TMC6: variants seen among roughly 807,000 people sequenced by gnomAD.
TMC6 encodes the protein transmembrane channel like 6.
TMC6 carries 71 observed loss-of-function variants against 95.4 expected under a neutral mutation model. That is an observed-to-expected ratio of 0.74 (90% CI 0.61 to 0.91). The LOEUF is 0.91. Among genes scored for constraint, TMC6 ranks in the 40% least tolerant of loss-of-function variants. The pLI is 0.00. For missense variants in TMC6, 1,074 were observed against 1,079.1 expected, an observed-to-expected ratio of 1.00 and a Z score of 0.07; for synonymous variants, 514 against 483.1, an observed-to-expected ratio of 1.06 and a Z score of -0.84.
rs2073798621 is a variant in TMC6, at chr17:78,110,219, CCT to C, written c.*2927_*2928del. ...CATTGCCCGTGCTGGATTCAAAACA[CCT>C]GGGCTCGGCAGGTGTTGTGGTTCAT... is the stretch of plus-strand genomic sequence containing the variant. On this transcript the variant is annotated 3_prime_UTR_variant, in exon 20 of 20. Coordinates refer to ENST00000590602, the MANE Select transcript of TMC6 (RefSeq NM_001127198.5). The C allele has an allele frequency of 6.6e-6, 1 of 151,616 alleles. No homozygotes were observed. Among genetic ancestry groups the C allele is most frequent in the Non-Finnish European group, 1.5e-5 (1 of 68,000 alleles). The allele number at this position is 151,616 out of a possible 1,614,324, so 9.4% of individuals were successfully genotyped here.
chr17:78,113,293 G>A (rs569206848), intron 19 of TMC6, 82 bp from the exon 20 acceptor site: 48 of 1,467,900 alleles, frequency 3.3e-5, no homozygotes, highest in African/African-American at 2.2e-4. Context: ...AAGGCCCGGC[G>A]AGGGACAGGC....
chr17:78,118,851 C>A lies in TMC6; in HGVS notation c.1887+120G>T. ...GACAGGCCAGGGCAGCCCCGAGCCG[C>A]CAGCCCCACTCCACTCAGGTGGGGA... On this transcript the variant is annotated intron_variant, in intron 15 of 19. Transcript: ENST00000590602. The A allele has an allele frequency of 1.7e-6, 2 of 1,168,452 alleles. 1 individual carries two copies. Among genetic ancestry groups the A allele is most frequent in the South Asian group, 2.6e-5 (2 of 75,960 alleles). 72.4% of individuals were successfully genotyped at this position (1,168,452 alleles called of 1,614,324 possible).
chr17:78,123,231 C>G (rs1213454181), intron 9 of TMC6: 1 of 282,824 alleles, frequency 3.5e-6, no homozygotes, highest in Admixed American at 4.9e-5. Context: ...TTGTCCCAGC[C>G]CATTCAGTGG....
rs1473527545 is a variant in TMC6, at chr17:78,124,673, A to G, written c.742T>C (p.Tyr248His). The change falls in exon 8 of 20, where the codon TAC becomes CAC. Residue 248 changes from tyrosine to histidine, a missense_variant. Coordinates refer to ENST00000590602, the MANE Select transcript of TMC6 (RefSeq NM_001127198.5). ...AGCAGGGTCTTGAGAAAGAGGAAGT[A>G]GGAGAGCACGCTGGAGCCGAACTGG... Reference protein sequence around the residue: ...GGQFGSSVLSYFLFLKTLLAF... With the variant: ...GGQFGSSVLSHFLFLKTLLAF... 1 of 1,609,394 alleles carries G rather than the reference A, an allele frequency of 6.2e-7. No homozygotes were observed. The highest frequency in any genetic ancestry group is 8.5e-7 in the Non-Finnish European group (1 of 1,178,272).
Position 78,124,724 on chromosome 17 carries a change from G to T in TMC6, c.691C>A (p.Arg231Ser). The T allele has an allele frequency of 6.3e-7, 1 of 1,591,598 alleles. No individual in the cohort carries two copies. Among genetic ancestry groups the T allele is most frequent in the Non-Finnish European group, 8.5e-7 (1 of 1,169,656 alleles). The change falls in exon 8 of 20, where the codon CGC becomes AGC. Residue 231 changes from arginine to serine, a missense_variant. Physicochemically the swap from Arg to Ser is moderately radical, Grantham distance 110 (BLOSUM62 -1). Coordinates refer to ENST00000590602, the MANE Select transcript of TMC6 (RefSeq NM_001127198.5). ...CCCCCGATGCGCTTCAGGGCGTAGC[G>T]CCACGGCATCAGGGCCTGCAGGGCG... is the stretch of plus-strand genomic sequence containing the variant. The part of the protein sequence containing the change: ...LSALQALMPW[R>S]YALKRIGGQF...
chr17:78,119,807 A>ATTTATT (rs751493193), intron 13 of TMC6: 61 of 368,528 alleles, frequency 1.7e-4, no homozygotes, highest in South Asian at 1.2e-3. Flanking sequence ...GCTAATTTTT[A>ATTTATT]TTTATTTTTA....
chr17:78,115,635 C>A (rs951482998), intron 18 of TMC6, among the ~76,000 whole-genome samples: 2 of 145,174 alleles, frequency 1.4e-5, no homozygotes, highest in African/African-American at 5.3e-5. Context: ...GGAGTGGGCA[C>A]AGGGGCGAAG....
chr17:78,119,068 A>C, intron 14 of TMC6, 22 bp from the exon 15 acceptor site: 1 of 1,563,182 alleles, frequency 6.4e-7, no homozygotes, highest in Non-Finnish European at 8.7e-7. Context: ...GTGGCAGTTC[A>C]GGGGCTGCTC....
Position 78,122,962 on chromosome 17 carries a change from G to A in TMC6, c.1083-213C>T. On this transcript the variant is annotated intron_variant, in intron 9 of 19. Coordinates refer to ENST00000590602, the MANE Select transcript of TMC6 (RefSeq NM_001127198.5). This position sits in a 1 kb window ranked among gnomAD's most constrained non-coding sequence, Gnocchi z 4.9. ...AGCACCCACCAGCCACATCTGCCTA[G>A]AAGAGGGGGCAGGGCTGCATTCACC... The A allele has an allele frequency of 1.5e-6, 1 of 673,522 alleles. No homozygotes were observed. The highest frequency in any genetic ancestry group is 1.8e-5 in the African/African-American group (1 of 56,414). 41.7% of individuals were successfully genotyped at this position (673,522 alleles called of 1,614,324 possible).
At chr17:78,119,807 ATTTATT>A (rs751493193) in intron 13 of TMC6, 28 of 368,510 alleles carry the variant, frequency 7.6e-5, no homozygotes, top group African/African-American at 4.6e-4. Context: ...GCTAATTTTT[ATTTATT>A]TTTATTTTTA....
At position 78,111,295 on chromosome 17, in the gene TMC6, T is replaced by G. The variant is rs1316981495; in HGVS notation, c.*1853A>C. 6.6e-6 allele frequency: 1 copy of G among 152,264 alleles called. No individual in the cohort carries two copies. Among genetic ancestry groups the G allele is most frequent in the African/African-American group, 2.4e-5 (1 of 41,432 alleles). 9.4% of individuals were successfully genotyped at this position (152,264 alleles called of 1,614,324 possible). ...ATATCCAGGCCAAGTTCTTCCACTT[T>G]CCTGTCATAAGCAGCTAGTACTGTC... On this transcript the variant is annotated 3_prime_UTR_variant, in exon 20 of 20. Coordinates refer to ENST00000590602, the MANE Select transcript of TMC6 (RefSeq NM_001127198.5).
At position 78,117,466 on chromosome 17, in the gene TMC6, A is replaced by T; in HGVS notation, c.2198+2T>A. ...AGGGCCGCCCCCACCTGCGGGACTC[A>T]CAGCAGCAGGGCTGACACCAGGAAG... On this transcript the variant is annotated splice_donor_variant, in intron 17 of 19. Coordinates refer to ENST00000590602, the MANE Select transcript of TMC6 (RefSeq NM_001127198.5). LOFTEE classifies it high-confidence loss of function. The T allele has an allele frequency of 4.3e-6, 7 of 1,610,290 alleles. No individual in the cohort carries two copies. Among genetic ancestry groups the T allele is most frequent in the Non-Finnish European group, 5.9e-6 (7 of 1,179,238 alleles).
At position 78,108,566 on chromosome 17, in the gene TMC6, G is replaced by C. The variant is rs1225745727; in HGVS notation, c.*4582C>G. 6.4e-6 allele frequency: 1 copy of C among 155,106 alleles called. No individual in the cohort carries two copies. The allele number at this position is 155,106 out of a possible 1,614,324, so 9.6% of individuals were successfully genotyped here. ...TGCAAAGGATGTGGCAGGCTTCATGGAGGAGGTGGCATTTGCCCTGGGCCT... is the reference window on the plus strand; with the variant it reads ...TGCAAAGGATGTGGCAGGCTTCATGCAGGAGGTGGCATTTGCCCTGGGCCT... On this transcript the variant is annotated 3_prime_UTR_variant, in exon 20 of 20. Coordinates refer to ENST00000590602, the MANE Select transcript of TMC6 (RefSeq NM_001127198.5).
chr17:78,115,961 G>A (rs951404037), intron 18 of TMC6, among the ~76,000 whole-genome samples: 1 of 151,858 alleles, frequency 6.6e-6, no homozygotes, highest in Non-Finnish European at 1.5e-5. Flanking sequence ...CAGTACTCCT[G>A]GGGGCTGCCT....
At chr17:78,116,359 C>T (rs546118951) in intron 18 of TMC6, among the ~76,000 whole-genome samples, 85 of 151,638 alleles carry the variant, frequency 5.6e-4, no homozygotes, top group African/African-American at 2.0e-3. Context: ...TCACTGCAGC[C>T]TCAACCTGGG....
At chr17:78,120,345 A>G in intron 13 of TMC6, 1 of 455,230 alleles carries the variant, frequency 2.2e-6, no homozygotes, top group South Asian at 1.7e-5. Context: ...TTTTTAGTAG[A>G]GACGGGGTTT....
upstream of TMC6, chr17:78,131,531 G>A (rs980301193): frequency 1.3e-6 from 2 of 1,534,692 alleles, no homozygotes; most frequent in East Asian, 4.9e-5. Flanking sequence ...TCCAACCGGG[G>A]ACTCATATCC....
Position 78,119,058 on chromosome 17 carries a change from G to T in TMC6, c.1812-12C>A. The T allele has an allele frequency of 1.3e-6, 2 of 1,572,096 alleles. No homozygotes were observed. Among genetic ancestry groups the T allele is most frequent in the Non-Finnish European group, 1.7e-6 (2 of 1,158,394 alleles). ...AGAGCACCCCCAGCCTGGGGAGGGG[G>T]TGGCAGTTCAGGGGCTGCTCCAGTG... is the stretch of plus-strand genomic sequence containing the variant. On this transcript the variant is annotated splice_polypyrimidine_tract_variant and intron_variant, in intron 14 of 19. Transcript: ENST00000590602.
chr17:78,115,211 T>C (rs1338433217), intron 18 of TMC6, among the ~76,000 whole-genome samples: 2 of 152,218 alleles, frequency 1.3e-5, no homozygotes, highest in Admixed American at 1.3e-4. Flanking sequence ...CCTGGAGCCC[T>C]GGATCCTGGC....
Sources: allele counts gnomAD v4.1 joint callset (sites outside exome capture counted in the v4.1 genomes callset), GRCh38; gene constraint gnomAD v4.1.1; non-coding constraint Gnocchi (gnomAD v3.1); transcripts MANE v1.5; gene names NCBI Gene and HGNC (gene_info 2026-07-23, HGNC 2026-07-21).